The following CDH22 variants were observed in gnomAD, a reference collection of about 807,000 sequenced individuals.
CDH22 encodes the protein cadherin 22, also known as cadherin-22.
In CDH22, 30 loss-of-function variants were observed where a neutral mutation model predicts 58.4. The ratio of observed to expected loss-of-function variants is 0.51; its 90% CI spans 0.38 to 0.70. The LOEUF (loss-of-function observed/expected upper bound fraction) is 0.70, where lower values mean the gene tolerates loss of function less well. Among genes scored for constraint, CDH22 ranks in the 30% least tolerant of loss-of-function variants. The probability of loss-of-function intolerance (pLI) is 0.00; values close to 1 mark genes in which losing one functional copy is unlikely to be tolerated. For missense variants in CDH22, 1,014 were observed against 1,233.9 expected, an observed-to-expected ratio of 0.82 and a Z score of 2.67; for synonymous variants, 513 against 558.2, an observed-to-expected ratio of 0.92 and a Z score of 1.14.
At chr20:46,290,403 C>T (rs575560009) in intron 1 of CDH22, among the ~76,000 whole-genome samples, 4 of 152,302 alleles carry the variant, frequency 2.6e-5, no homozygotes, top group African/African-American at 9.6e-5. Flanking sequence ...GCTAAACATT[C>T]TACAATGCCC....
intron 7 of CDH22, among the ~76,000 whole-genome samples, chr20:46,205,214 A>C (rs996202794): frequency 6.6e-6 from 1 of 152,144 alleles, no homozygotes; most frequent in African/African-American, 2.4e-5. Flanking sequence ...GCAGAATGAA[A>C]GGGAAAAAAT....
In CDH22 at chr20:46,267,140, C is replaced by T. The variant is rs187768762; in HGVS notation, c.-399-15447G>A. 1.4e-4 allele frequency among the ~76,000 whole-genome samples: 22 copies of T among 152,096 alleles called. 1 individual carries two copies. The East Asian group carries it at 3.7e-3, about 25-fold the overall frequency. ...AGGTGAAGTCACTTGTCCAAGATTA[C>T]AGCCAGGAAGTGGGAGAAGCCAGGA... On this transcript the variant is annotated intron_variant, in intron 1 of 11. Transcript: ENST00000537909.
intron 4 of CDH22, among the ~76,000 whole-genome samples, chr20:46,225,454 G>A (rs1434158493): frequency 5.9e-5 from 9 of 152,146 alleles, no homozygotes; most frequent in Non-Finnish European, 8.8e-5. Context: ...AAGGCAAGCC[G>A]TGTGTATAGT....
intron 4 of CDH22, among the ~76,000 whole-genome samples, chr20:46,226,270 TCTTCTTCTTCTTCTTCTTC>T (rs1389527341): frequency 0.093 from 931 of 10,056 alleles, 43 homozygotes; most frequent in African/African-American, 0.17. Context: ...TTCTTCTTCT[TCTTCTTCTTCTTCTTCTTC>T]TTCTTTTTTT....
intron 7 of CDH22, 82 bp from the exon 8 acceptor site, chr20:46,199,641 A>C (rs2085940176): frequency 1.3e-6 from 2 of 1,507,008 alleles, no homozygotes; most frequent in African/African-American, 1.4e-5. Flanking sequence ...CCCCACTCCA[A>C]GAGAGGGACC....
chr20:46,193,162 G>A (rs976063361), intron 8 of CDH22, among the ~76,000 whole-genome samples: 1 of 152,118 alleles, frequency 6.6e-6, no homozygotes, highest in Non-Finnish European at 1.5e-5. Context: ...GGTCCCTAAT[G>A]TTCTGGGCTG....
chr20:46,263,760 G>A (rs1256744599), intron 1 of CDH22, among the ~76,000 whole-genome samples: 4 of 152,122 alleles, frequency 2.6e-5, no homozygotes, highest in East Asian at 3.9e-4. Context: ...AGCTGAGGAC[G>A]GGCCTGGAGG....
intron 10 of CDH22, 54 bp from the exon 11 acceptor site, chr20:46,178,251 T>A: frequency 6.3e-7 from 1 of 1,575,626 alleles, no homozygotes; most frequent in South Asian, 1.2e-5. Context: ...TCAGCATCCT[T>A]GTCCTAGCCA....
intron 3 of CDH22, among the ~76,000 whole-genome samples, chr20:46,233,267 A>T (rs1036006446): frequency 6.6e-6 from 1 of 152,014 alleles, no homozygotes; most frequent in Non-Finnish European, 1.5e-5. Context: ...TTCTTTCCTT[A>T]TGGATCCCGG....
chr20:46,268,399 G>A (rs2086472271), intron 1 of CDH22, among the ~76,000 whole-genome samples: 1 of 152,272 alleles, frequency 6.6e-6, no homozygotes, highest in Admixed American at 6.5e-5. Context: ...AGGTCCCAGC[G>A]ATTATGCCAC....
intron 10 of CDH22, among the ~76,000 whole-genome samples, chr20:46,181,507 C>T (rs373636100): frequency 7.9e-5 from 12 of 152,078 alleles, no homozygotes; most frequent in South Asian, 2.1e-4. Flanking sequence ...TGAGTCAAGA[C>T]GAGGCTGGAG....
chr20:46,175,714 A>T (rs2085733698), intron 11 of CDH22, among the ~76,000 whole-genome samples: 1 of 152,104 alleles, frequency 6.6e-6, no homozygotes, highest in Admixed American at 6.5e-5. Flanking sequence ...TCCTCCTGGG[A>T]GCTTGTTAGA....
At chr20:46,184,443 G>A (rs182400901) in intron 10 of CDH22, among the ~76,000 whole-genome samples, 2 of 152,124 alleles carry the variant, frequency 1.3e-5, no homozygotes, top group Non-Finnish European at 2.9e-5. Context: ...AAACACCTAC[G>A]ATATGCCAAG....
chr20:46,247,653 G>A (rs760090765), intron 2 of CDH22, among the ~76,000 whole-genome samples: 22 of 152,152 alleles, frequency 1.4e-4, no homozygotes, highest in Non-Finnish European at 2.9e-4. Context: ...CCCCCATCGA[G>A]AGATACTGAG....
At chr20:46,218,897 G>A (rs2086104591) in intron 4 of CDH22, among the ~76,000 whole-genome samples, 1 of 152,150 alleles carries the variant, frequency 6.6e-6, no homozygotes, top group Non-Finnish European at 1.5e-5. Context: ...CCGAGCACCA[G>A]GTGGTGACAG....
rs1054211394 is a variant in CDH22 at position 46,186,503 on chromosome 20, G to A, written c.1663+85C>T. 101 of 954,470 alleles carry A rather than the reference G, an allele frequency of 1.1e-4. 1 individual carries two copies. Among genetic ancestry groups the A allele is most frequent in the South Asian group, 5.5e-4 (36 of 66,020 alleles). The allele number at this position is 954,470 out of a possible 1,614,324, so 59.1% of individuals were successfully genotyped here. ...TAGATCCAACATAGGCCCTGTGGGC[G>A]CCTCCGTCCCTCTGTCTATAATATG... On this transcript the variant is annotated intron_variant, in intron 10 of 11. Coordinates refer to ENST00000537909, the MANE Select transcript of CDH22 (RefSeq NM_021248.3).
chr20:46,298,560 C>G (rs1254062462), intron 1 of CDH22, among the ~76,000 whole-genome samples: 1 of 151,878 alleles, frequency 6.6e-6, no homozygotes, highest in Non-Finnish European at 1.5e-5. Context: ...GAGGGGTGAA[C>G]TGCAGGCAGA....
rs144702564 is a variant in CDH22 at position 46,178,097 on chromosome 20, T to C, written c.1764A>G (p.Thr588=). ...TGGTGAGCGTGCCTGTGCTGCTCAG[T>C]GTGGGCGGCCCACTGTCTACCACCA... ...PILVVDSGPP[T]LSSTGTLTIR... Residue 588 remains threonine, a synonymous_variant, in exon 11 of 12, where the codon ACA becomes ACG. Transcript: ENST00000537909. 6 of 1,613,982 alleles carry C rather than the reference T, an allele frequency of 3.7e-6. No individual in the cohort carries two copies. The African/African-American group carries it at 4.0e-5, about 11-fold the overall frequency.
chr20:46,177,246 C>G (rs2085747563), intron 11 of CDH22, among the ~76,000 whole-genome samples: 1 of 152,214 alleles, frequency 6.6e-6, no homozygotes, highest in African/African-American at 2.4e-5. Flanking sequence ...CTAGCTTTGG[C>G]CTCAGTGCCC....
Sources: gnomAD v4.1 joint callset for allele counts (sites outside exome capture counted in the v4.1 genomes callset) on GRCh38, gnomAD v4.1.1 for gene constraint, MANE v1.5 for transcripts, NCBI Gene and HGNC (gene_info 2026-07-23, HGNC 2026-07-21) for gene names.